RBFOX1: variants seen among roughly 807,000 people sequenced by gnomAD.
RBFOX1 encodes RNA binding fox-1 homolog 1.
Under a neutral mutation model 57.7 loss-of-function variants are expected in RBFOX1, and 8 were observed. The ratio of observed to expected loss-of-function variants is 0.14; its 90% CI spans 0.08 to 0.25. RBFOX1 has a LOEUF of 0.25. RBFOX1 is among the 10% of genes least tolerant of loss of function. The pLI, the probability that RBFOX1 is intolerant of heterozygous loss-of-function variation, is 1.00. For missense variants in RBFOX1, 611 were observed against 548.5 expected (o/e 1.11, Z -1.14); for synonymous variants, 326 against 222.4 (o/e 1.47, Z -4.15).
At chr16:6,733,654 A>AG (rs1286041327) in intron 3 of RBFOX1, among the ~76,000 whole-genome samples, 1 of 152,128 alleles carries the variant, frequency 6.6e-6, no homozygotes, top group Non-Finnish European at 1.5e-5. Flanking sequence ...GCTACTCAGG[A>AG]GGCTGAGATG....
In RBFOX1 at chr16:7,457,781, G is replaced by A. The variant is rs548226509; in HGVS notation, c.28-60366G>A. Among the ~76,000 whole-genome samples, 11 of 151,840 alleles carry A rather than the reference G, an allele frequency of 7.2e-5. No individual in the cohort carries two copies. The South Asian group carries it at 1.7e-3, about 23-fold the overall frequency. ...GTGCAGTCTGGAAGGTTCTTCTTAC[G>A]AGCATCTAGCCTCACACCAAGCAGC... is the stretch of plus-strand genomic sequence containing the variant. On this transcript the variant is annotated intron_variant, in intron 4 of 15. Transcript: ENST00000550418.
chr16:7,058,309 CA>C (rs1346079482), intron 4 of RBFOX1, among the ~76,000 whole-genome samples: 1 of 152,166 alleles, frequency 6.6e-6, no homozygotes, highest in African/African-American at 2.4e-5. Context: ...AGGGCTGTAA[CA>C]CTTTCTAAGC....
At chr16:6,445,537 C>G (rs796914940) in intron 2 of RBFOX1, among the ~76,000 whole-genome samples, 66 of 146,512 alleles carry the variant, frequency 4.5e-4, no homozygotes, top group African/African-American at 1.6e-3. Flanking sequence ...ACCAGGGAAG[C>G]TTATTAACCT....
chr16:5,454,902 CTTTCTTTCT>C (rs1555524178), intron 1 of RBFOX1, among the ~76,000 whole-genome samples: 7 of 66,718 alleles, frequency 1.0e-4, no homozygotes, highest in South Asian at 8.8e-4. Context: ...TTCTTTCTTT[CTTTCTTTCT>C]TTCCTTTGTT....
intron 2 of RBFOX1, among the ~76,000 whole-genome samples, chr16:6,512,405 G>A (rs2096274099): frequency 6.6e-6 from 1 of 152,054 alleles, no homozygotes; most frequent in Non-Finnish European, 1.5e-5. Context: ...CCTCGGGTAG[G>A]ATAGGGAATG....
At chr16:6,099,743 A>G (rs960602063) in intron 1 of RBFOX1, among the ~76,000 whole-genome samples, 5 of 152,220 alleles carry the variant, frequency 3.3e-5, no homozygotes, top group Non-Finnish European at 5.9e-5. Flanking sequence ...TATACAGGAA[A>G]GTGCTCTGTG....
chr16:6,042,867 A>G (rs2152419239), intron 1 of RBFOX1, among the ~76,000 whole-genome samples: 1 of 152,266 alleles, frequency 6.6e-6, no homozygotes, highest in East Asian at 1.9e-4. Context: ...AGATTTTCTG[A>G]TTGACAGTTG....
At position 5,727,861 on chromosome 16, in the gene RBFOX1, G is replaced by C. The variant is rs183817063; in HGVS notation, c.318+128900G>C. ...CGCCACCATGCCCACTAATATTTCAGGTTTTTTTTGTAGAGATAGAGTCTG... is the reference window on the plus strand; with the variant it reads ...CGCCACCATGCCCACTAATATTTCACGTTTTTTTTGTAGAGATAGAGTCTG... On this transcript the variant is annotated intron_variant, in intron 3 of 19. Coordinates refer to the RBFOX1 transcript ENST00000641259. Among the ~76,000 whole-genome samples the C allele has an allele frequency of 4.6e-5, 7 of 152,148 alleles. No individual in the cohort carries two copies. In the East Asian group the frequency reaches 1.4e-3, roughly 29 times the overall value.
intron 2 of RBFOX1, among the ~76,000 whole-genome samples, chr16:6,381,305 A>G (rs79500909): frequency 0.032 from 4,889 of 152,234 alleles, 291 homozygotes; most frequent in African/African-American, 0.11. Context: ...CCCAAAAGGT[A>G]ATTTTTCAAC....
At chr16:6,740,772 T>G (rs1374211566) in intron 3 of RBFOX1, among the ~76,000 whole-genome samples, 1 of 152,192 alleles carries the variant, frequency 6.6e-6, no homozygotes, top group Non-Finnish European at 1.5e-5. Flanking sequence ...AAGACTCCAC[T>G]TTGTAAAGAT....
intron 5 of RBFOX1, among the ~76,000 whole-genome samples, chr16:7,528,816 C>G (rs1308293246): frequency 6.6e-6 from 1 of 152,142 alleles, no homozygotes; most frequent in African/African-American, 2.4e-5. Context: ...GAATTCAAGG[C>G]TGGAAAAAGA....
chr16:6,233,261 A>T (rs913927135), intron 1 of RBFOX1, among the ~76,000 whole-genome samples: 2 of 152,106 alleles, frequency 1.3e-5, no homozygotes, highest in Admixed American at 6.6e-5. Flanking sequence ...TGAGTTAGAG[A>T]AGCCCCAAAC....
At chr16:5,524,260 A>G (rs1361422352) in intron 2 of RBFOX1, among the ~76,000 whole-genome samples, 1 of 152,184 alleles carries the variant, frequency 6.6e-6, no homozygotes, top group South Asian at 2.1e-4. Flanking sequence ...GAGTGTGGAC[A>G]TATTTCCGTG....
chr16:6,335,700 C>T (rs567352307), intron 2 of RBFOX1, among the ~76,000 whole-genome samples: 1 of 149,594 alleles, frequency 6.7e-6, no homozygotes, highest in South Asian at 2.1e-4. Context: ...ATCGGTTGAA[C>T]CCGGGAGCCG....
At chr16:6,173,094 T>A (rs181039512) in intron 1 of RBFOX1, among the ~76,000 whole-genome samples, 1 of 152,208 alleles carries the variant, frequency 6.6e-6, no homozygotes, top group Non-Finnish European at 1.5e-5. Context: ...TAGGCCCACC[T>A]GGATAATTAA....
chr16:5,319,207 G>A (rs1278464341), intron 1 of RBFOX1, among the ~76,000 whole-genome samples: 1 of 152,154 alleles, frequency 6.6e-6, no homozygotes, highest in African/African-American at 2.4e-5. Context: ...TCAGAGATTC[G>A]AAGCATAAGT....
intron 2 of RBFOX1, among the ~76,000 whole-genome samples, chr16:6,431,617 T>A (rs1459905668): frequency 2.0e-5 from 3 of 151,820 alleles, no homozygotes; most frequent in African/African-American, 7.3e-5. Context: ...TGGGGGTAAG[T>A]GTGAGATGTG....
At chr16:7,688,042 G>A (rs537739670) in intron 14 of RBFOX1, among the ~76,000 whole-genome samples, 10 of 152,060 alleles carry the variant, frequency 6.6e-5, no homozygotes, top group African/African-American at 2.2e-4. Flanking sequence ...ACAAAGTATT[G>A]GCTGGGCAGT....
intron 1 of RBFOX1, among the ~76,000 whole-genome samples, chr16:6,272,299 G>C (rs192509779): frequency 7.9e-5 from 12 of 152,098 alleles, no homozygotes; most frequent in Non-Finnish European, 2.9e-5. Context: ...AATTGAATTT[G>C]TTAAAGAACA....
Sources: allele counts gnomAD v4.1 joint callset (sites outside exome capture counted in the v4.1 genomes callset), GRCh38; gene constraint gnomAD v4.1.1; transcripts MANE v1.5; gene names NCBI Gene and HGNC (gene_info 2026-07-23, HGNC 2026-07-21).